HECTD4: variants seen among roughly 807,000 people sequenced by gnomAD.
The protein encoded by HECTD4 is HECT domain E3 ubiquitin protein ligase 4.
Under a neutral mutation model 471.5 loss-of-function variants are expected in HECTD4, and 114 were observed. The observed-to-expected ratio is 0.24, with a 90% confidence interval of 0.21 to 0.28. HECTD4 has a LOEUF of 0.28. Ranked by LOEUF, HECTD4 falls within the 10% of genes least tolerant of loss-of-function variation. HECTD4 has a pLI of 1.00. For missense variants in HECTD4, 3,866 were observed against 5,651.5 expected (o/e 0.68, Z 10.13); for synonymous variants, 2,012 against 2,256.0 (o/e 0.89, Z 3.07).
chr12:112,309,760 G>T (rs568477027), intron 4 of HECTD4, 91 bp from the exon 5 acceptor site: 8 of 605,080 alleles, frequency 1.3e-5, no homozygotes, highest in Middle Eastern at 4.1e-4. Flanking sequence ...CCATTAGGAG[G>T]TTGAGTGAAA....
chr12:112,294,756 C>G (rs971140169), intron 7 of HECTD4, among the ~76,000 whole-genome samples: 1 of 152,102 alleles, frequency 6.6e-6, no homozygotes, highest in African/African-American at 2.4e-5. Flanking sequence ...CTTGACTTCT[C>G]CAGCAGAATT....
intron 54 of HECTD4, among the ~76,000 whole-genome samples, chr12:112,202,785 T>C (rs1171054006): frequency 6.6e-6 from 1 of 152,128 alleles, no homozygotes; most frequent in Non-Finnish European, 1.5e-5. Context: ...CCTTGTCCTC[T>C]CTCACTCTGC....
intron 11 of HECTD4, among the ~76,000 whole-genome samples, chr12:112,271,254 G>A (rs2034406847): frequency 6.6e-6 from 1 of 152,128 alleles, no homozygotes; most frequent in Non-Finnish European, 1.5e-5. Context: ...TTGTCTACAT[G>A]AACTGGCTTT....
chr12:112,332,973 T>C lies in HECTD4; in HGVS notation c.178-13231A>G, dbSNP rs571592037. The stretch of plus-strand genomic sequence containing the variant: ...TCATATTATGTGAGGTCTTTTGTAA[T>C]TGGTCTCTTTCTCTCAGTATACTGT... On this transcript the variant is annotated intron_variant, in intron 1 of 75. Transcript: ENST00000682272. 7.9e-5 allele frequency among the ~76,000 whole-genome samples: 12 copies of C among 152,362 alleles called. No individual in the cohort carries two copies. In the South Asian group the frequency reaches 2.3e-3, roughly 29 times the overall value.
intron 23 of HECTD4, among the ~76,000 whole-genome samples, chr12:112,251,582 T>C (rs2033889046): frequency 6.6e-6 from 1 of 152,210 alleles, no homozygotes; most frequent in Non-Finnish European, 1.5e-5. Flanking sequence ...TTGTTCTAGG[T>C]GCCTGAGATA....
At chr12:112,236,640 A>G (rs753311684) in intron 35 of HECTD4, among the ~76,000 whole-genome samples, 3 of 152,216 alleles carry the variant, frequency 2.0e-5, no homozygotes, top group Non-Finnish European at 4.4e-5. Flanking sequence ...AATGAGGGTA[A>G]GATTTTTGGT....
intron 55 of HECTD4, among the ~76,000 whole-genome samples, chr12:112,198,990 A>T (rs982150140): frequency 6.6e-6 from 1 of 152,152 alleles, no homozygotes; most frequent in Non-Finnish European, 1.5e-5. Flanking sequence ...GTAACTGGGC[A>T]TGCCTCTTGC....
rs1222310557 is a variant in HECTD4 at position 112,217,028 on chromosome 12, T to C, written c.7236+6A>G. 1 of 1,585,910 alleles carries C rather than the reference T, an allele frequency of 6.3e-7. No homozygotes were observed. Among genetic ancestry groups the C allele is most frequent in the African/African-American group, 1.3e-5 (1 of 74,120 alleles). ...GCAAAAGACAGTGTGTCATGTGATG[T>C]CTCACCTGAACTGGCAGTGGTGAAG... On this transcript the variant is annotated splice_donor_region_variant and intron_variant, in intron 46 of 75. Transcript: ENST00000682272.
intron 22 of HECTD4, 129 bp downstream of exon 22, chr12:112,253,914 T>G (rs2033951063): frequency 1.2e-6 from 1 of 845,438 alleles, no homozygotes; most frequent in Non-Finnish European, 1.8e-6. Flanking sequence ...ACAGGCCTGG[T>G]AAGGTGGCTC....
intron 71 of HECTD4, 63 bp from the exon 72 acceptor site, chr12:112,167,601 G>A: frequency 7.5e-7 from 1 of 1,331,598 alleles, no homozygotes; most frequent in Non-Finnish European, 1.0e-6. Flanking sequence ...CAGGGAACAT[G>A]TGTTTCAAGC....
intron 55 of HECTD4, among the ~76,000 whole-genome samples, chr12:112,196,167 T>C (rs536264726): frequency 6.6e-6 from 1 of 152,298 alleles, no homozygotes; most frequent in South Asian, 2.1e-4. Context: ...GGCCCCAAAC[T>C]CACTCTGAAC....
At chr12:112,177,914 G>A (rs1312603156) in intron 64 of HECTD4, among the ~76,000 whole-genome samples, 1 of 152,196 alleles carries the variant, frequency 6.6e-6, no homozygotes, top group Non-Finnish European at 1.5e-5. Flanking sequence ...ATGGTCCGGA[G>A]GAAGAGTGGC....
In HECTD4 at chr12:112,183,643, G is replaced by A. The variant is rs971546428; in HGVS notation, c.10780-377C>T. Among the ~76,000 whole-genome samples the A allele has an allele frequency of 3.3e-5, 5 of 152,234 alleles. No homozygotes were observed. In the South Asian group the frequency reaches 1.0e-3, roughly 31 times the overall value. On this transcript the variant is annotated intron_variant, in intron 61 of 75. Coordinates refer to ENST00000682272, the MANE Select transcript of HECTD4 (RefSeq NM_001388303.1). ...TCCTTCAACCCTCCTTGCAGAGCCT[G>A]CTGGGAGAGTAATGCATGTCAGTTC... is the stretch of plus-strand genomic sequence containing the variant.
rs147682162 is a variant in HECTD4 at position 112,237,117 on chromosome 12, A to G, written c.5291-19T>C. On this transcript the variant is annotated intron_variant, in intron 34 of 75. Transcript: ENST00000682272. The stretch of plus-strand genomic sequence containing the variant: ...GAGCCACCTTCACAGTTAAAGAAAG[A>G]AAAAAAGAGATTGGTGAAAACTTAA... 397 of 1,531,660 alleles carry G rather than the reference A, an allele frequency of 2.6e-4. 2 individuals are homozygous for G. The African/African-American group carries it at 3.7e-3, about 14-fold the overall frequency. The allele number at this position is 1,531,660 out of a possible 1,614,324, so 94.9% of individuals were successfully genotyped here.
chr12:112,371,886 CA>C (rs535844706), intron 1 of HECTD4, among the ~76,000 whole-genome samples: 1,366 of 57,252 alleles, frequency 0.024, 11 homozygotes, highest in African/African-American at 0.077. Flanking sequence ...AACTCTGTCT[CA>C]AAAAAAAAAA....
In HECTD4 at chr12:112,185,012, C is replaced by T. The variant is rs1474390035; in HGVS notation, c.9954G>A (p.Lys3318=). 6.2e-7 allele frequency: 1 copy of T among 1,606,928 alleles called. No individual in the cohort carries two copies. The highest frequency in any genetic ancestry group is 8.5e-7 in the Non-Finnish European group (1 of 1,176,698). ...TGCCCGACGAGGAGGCCTTTTCCCGCTTCATCTTGACTTTTTTCCTCTTGG... is the reference window on the plus strand; with the variant it reads ...TGCCCGACGAGGAGGCCTTTTCCCGTTTCATCTTGACTTTTTTCCTCTTGG... ...LLSKRKKVKM[K]REKASSSGKR... Residue 3318 remains lysine (K), a synonymous_variant, in exon 61 of 76, where the codon AAG becomes AAA. Transcript: ENST00000682272.
At chr12:112,351,804 C>T (rs1349569343) in intron 1 of HECTD4, among the ~76,000 whole-genome samples, 2 of 152,164 alleles carry the variant, frequency 1.3e-5, no homozygotes, top group East Asian at 3.8e-4. Context: ...AGTAACATAG[C>T]CTAATAGATA....
rs1593953408 is a variant in HECTD4 at position 112,228,517 on chromosome 12, T to C, written c.6684+130A>G. 1.1e-6 allele frequency: 1 copy of C among 934,844 alleles called. No homozygotes were observed. The highest frequency in any genetic ancestry group is 1.6e-6 in the Non-Finnish European group (1 of 645,100). 57.9% of individuals were successfully genotyped at this position (934,844 alleles called of 1,614,324 possible). On this transcript the variant is annotated intron_variant, in intron 42 of 75. Coordinates refer to ENST00000682272, the MANE Select transcript of HECTD4 (RefSeq NM_001388303.1). The surrounding 1 kb of genome is among the most constrained non-coding windows in gnomAD (Gnocchi z 4.9). Reference sequence around the variant, plus strand: ...CTATTAAATAACTATAACCAATACATAAATATACATCACAAGTACAATTTA... The same window carrying C: ...CTATTAAATAACTATAACCAATACACAAATATACATCACAAGTACAATTTA...
chr12:112,177,193 T>C (rs1240201941), intron 64 of HECTD4, among the ~76,000 whole-genome samples: 1 of 152,184 alleles, frequency 6.6e-6, no homozygotes, highest in Non-Finnish European at 1.5e-5. Flanking sequence ...ACACCATTTC[T>C]ACATAATGAA....
Sources: gnomAD v4.1 joint callset for allele counts (sites outside exome capture counted in the v4.1 genomes callset) on GRCh38, gnomAD v4.1.1 for gene constraint, Gnocchi (gnomAD v3.1) non-coding constraint, MANE v1.5 for transcripts, NCBI Gene and HGNC (gene_info 2026-07-23, HGNC 2026-07-21) for gene names.